Variants in RPA3 observed in about 807,000 individuals in gnomAD.
RPA3 encodes the protein replication protein A3, also known as replication protein A 14 kDa subunit.
A neutral mutation model predicts 13.7 loss-of-function variants in RPA3; 24 were observed. The observed-to-expected ratio is 1.75, with a 90% CI of 1.27 to 2.46. The LOEUF (loss-of-function observed/expected upper bound fraction) is 2.46. RPA3 is among the 30% of genes most tolerant of loss of function. The pLI, the probability that RPA3 is intolerant of heterozygous loss-of-function variation, is 0.00. For synonymous variants in RPA3, 59 were observed against 51.2 expected, an observed-to-expected ratio of 1.15 and a Z score of -0.65; for missense variants, 183 against 151.0, an observed-to-expected ratio of 1.21 and a Z score of -1.11.
chr7:7,695,193 A>T (rs1487275559), intron 2 of RPA3, among the ~76,000 whole-genome samples: 6 of 152,148 alleles, frequency 3.9e-5, no homozygotes, highest in Non-Finnish European at 7.3e-5. Flanking sequence ...TTCTTTTGAG[A>T]AGCTCGCTGT....
intron 5 of RPA3, 61 bp from the exon 6 acceptor site, chr7:7,639,205 G>C: frequency 8.0e-7 from 1 of 1,255,596 alleles, no homozygotes; most frequent in Non-Finnish European, 1.1e-6. Flanking sequence ...GACTAAAGAT[G>C]AGTACATTGA....
chr7:7,705,737 T>C (rs1780582532), intron 2 of RPA3, among the ~76,000 whole-genome samples: 1 of 152,172 alleles, frequency 6.6e-6, no homozygotes, highest in Non-Finnish European at 1.5e-5. Context: ...TATAAATTTG[T>C]CCAAACTCAT....
At chr7:7,689,268 G>GTGGCAGTTATT (rs1362618866) in intron 2 of RPA3, 1 of 152,124 alleles carries the variant, frequency 6.6e-6, no homozygotes, top group African/African-American at 2.4e-5. Flanking sequence ...ACCTCTTCTC[G>GTGGCAGTTATT]TGGCAGTTAT....
intron 4 of RPA3, among the ~76,000 whole-genome samples, chr7:7,651,060 C>G (rs866229371): frequency 2.6e-5 from 4 of 151,926 alleles, no homozygotes; most frequent in Middle Eastern, 3.2e-3. Flanking sequence ...AGAGAAAGCC[C>G]AAAGCAATAC....
chr7:7,669,131 G>T (rs1000060916), intron 4 of RPA3, among the ~76,000 whole-genome samples: 1 of 152,014 alleles, frequency 6.6e-6, no homozygotes, highest in Non-Finnish European at 1.5e-5. Flanking sequence ...ACATTACTTG[G>T]GGGAACCTTT....
In RPA3 at chr7:7,640,381, T is replaced by A. The variant is rs990214524; in HGVS notation, c.38A>T (p.Asn13Ile). The A allele has an allele frequency of 5.0e-6, 8 of 1,614,086 alleles. No homozygotes were observed. The highest frequency in any genetic ancestry group is 6.8e-6 in the Non-Finnish European group (8 of 1,180,026). Reference sequence around the variant, plus strand: ...GATGAATTGAGCTAGCATGCCGGCGTTGATGCGCGACCTGGGCAAGTCCAT... The same window carrying A: ...GATGAATTGAGCTAGCATGCCGGCGATGATGCGCGACCTGGGCAAGTCCAT... ...DMMDLPRSRI[N>I]AGMLAQFIDK... The change falls in exon 5 of 8, where the codon AAC becomes ATC. Residue 13 changes from asparagine to isoleucine, a missense_variant. Physicochemically the swap from Asn to Ile is moderately radical, Grantham distance 149. Coordinates refer to ENST00000223129, the MANE Select transcript of RPA3 (RefSeq NM_002947.5).
intron 4 of RPA3, among the ~76,000 whole-genome samples, chr7:7,660,171 CT>C (rs1785438949): frequency 6.6e-6 from 1 of 152,146 alleles, no homozygotes; most frequent in Non-Finnish European, 1.5e-5. Context: ...TCTTTCATCC[CT>C]TTATTTTGAG....
chr7:7,666,501 C>A (rs1779460764), intron 4 of RPA3, among the ~76,000 whole-genome samples: 1 of 152,026 alleles, frequency 6.6e-6, no homozygotes, highest in Admixed American at 6.6e-5. Context: ...AGCCCCTGTA[C>A]CTGACCGGGG....
chr7:7,692,567 C>A (rs1780197800), intron 2 of RPA3: 1 of 152,118 alleles, frequency 6.6e-6, no homozygotes, highest in African/African-American at 2.4e-5. Context: ...CTTAGAAATT[C>A]CACTTTTAGT....
intron 4 of RPA3, among the ~76,000 whole-genome samples, chr7:7,670,131 G>A (rs1475256014): frequency 6.6e-6 from 1 of 152,140 alleles, no homozygotes; most frequent in Admixed American, 6.6e-5. Context: ...TTAAAAACAG[G>A]TTGTTTGTTT....
chr7:7,701,674 T>G (rs1055537457), intron 2 of RPA3, among the ~76,000 whole-genome samples: 31 of 152,196 alleles, frequency 2.0e-4, no homozygotes, highest in African/African-American at 7.5e-4. Context: ...GGAGGCTGAT[T>G]AGGATGATTA....
At chr7:7,657,300 G>T (rs1440938657) in intron 4 of RPA3, among the ~76,000 whole-genome samples, 1 of 152,190 alleles carries the variant, frequency 6.6e-6, no homozygotes, top group Admixed American at 6.5e-5. Context: ...TTGCTGTGCA[G>T]AAGCTCTTTA....
chr7:7,676,740 A>G (rs1372572433), intron 4 of RPA3, among the ~76,000 whole-genome samples: 7 of 152,162 alleles, frequency 4.6e-5, no homozygotes, highest in Admixed American at 4.6e-4. Context: ...CTCCTTGATG[A>G]AGTTGAAATT....
chr7:7,640,151 A>G (rs1339016160), intron 5 of RPA3, 169 bp downstream of exon 5: 3 of 685,628 alleles, frequency 4.4e-6, no homozygotes, highest in East Asian at 2.7e-5. Flanking sequence ...AAGAGCGCCA[A>G]AATGGGGCTA....
At chr7:7,637,244 CAA>C (rs932148443) in intron 7 of RPA3, among the ~76,000 whole-genome samples, 162 bp from the exon 8 acceptor site, 1 of 151,176 alleles carries the variant, frequency 6.6e-6, no homozygotes, top group Non-Finnish European at 1.5e-5. Context: ...ACTGTGGCAC[CAA>C]AAAAAAGACA....
chr7:7,643,793 A>G (rs1402376347), intron 4 of RPA3, among the ~76,000 whole-genome samples: 1 of 151,212 alleles, frequency 6.6e-6, no homozygotes, highest in Non-Finnish European at 1.5e-5. Context: ...TAACCTTCAC[A>G]TTCCCGCTTG....
chr7:7,717,960 G>A (rs1780957599), intron 1 of RPA3, among the ~76,000 whole-genome samples: 1 of 152,224 alleles, frequency 6.6e-6, no homozygotes, highest in Non-Finnish European at 1.5e-5. Context: ...ACAGAGTGCT[G>A]TAGATTCTGT....
chr7:7,675,354 A>T (rs1218887753), intron 4 of RPA3, among the ~76,000 whole-genome samples: 1 of 152,068 alleles, frequency 6.6e-6, no homozygotes, highest in African/African-American at 2.4e-5. Flanking sequence ...TCTGAGACAA[A>T]TTTTAACCAC....
In RPA3 at chr7:7,665,058, T is replaced by C. The variant is rs1187467666; in HGVS notation, c.-758+20772A>G. ...ATACACATGTATTTACATTATTCTG[T>C]CTATAGACAGTAGCTGCATCAATCA... On this transcript the variant is annotated intron_variant, in intron 4 of 7. Transcript: ENST00000223129. 3.3e-5 allele frequency among the ~76,000 whole-genome samples: 5 copies of C among 152,328 alleles called. No individual in the cohort carries two copies. In the East Asian group the frequency reaches 9.6e-4, roughly 29 times the overall value.
Sources: allele counts gnomAD v4.1 joint callset (sites outside exome capture counted in the v4.1 genomes callset), GRCh38; gene constraint gnomAD v4.1.1; transcripts MANE v1.5; gene names NCBI Gene and HGNC (gene_info 2026-07-23, HGNC 2026-07-21).